Variants in TSHZ2 observed in about 807,000 individuals in gnomAD.
The protein encoded by TSHZ2 is teashirt zinc finger homeobox 2, also known as teashirt homolog 2.
TSHZ2 carries 21 observed loss-of-function variants against 74.4 expected under a neutral mutation model. The ratio of observed to expected loss-of-function variants is 0.28; its 90% CI spans 0.20 to 0.41. The LOEUF (loss-of-function observed/expected upper bound fraction) is 0.41, where lower values mean the gene tolerates loss of function less well. Among genes scored for constraint, TSHZ2 ranks in the 10% least tolerant of loss-of-function variants. The pLI is 1.00. For missense variants in TSHZ2, 1,244 were observed against 1,293.5 expected (o/e 0.96, Z 0.59); for synonymous variants, 540 against 515.3 (o/e 1.05, Z -0.65).
intron 2 of TSHZ2, among the ~76,000 whole-genome samples, chr20:53,371,475 T>A (rs1216067233): frequency 1.3e-5 from 2 of 152,208 alleles, no homozygotes; most frequent in Non-Finnish European, 2.9e-5. Context: ...TTAGGCGGTG[T>A]ATTTGTTTCC....
intron 2 of TSHZ2, among the ~76,000 whole-genome samples, chr20:53,298,627 G>T (rs1991425597): frequency 6.6e-6 from 1 of 152,194 alleles, no homozygotes; most frequent in Non-Finnish European, 1.5e-5. Context: ...CAGAAGCCAG[G>T]GTGCAGGGGA....
At chr20:53,228,726 T>C (rs967147784) in intron 1 of TSHZ2, among the ~76,000 whole-genome samples, 7 of 140,028 alleles carry the variant, frequency 5.0e-5, no homozygotes, top group Admixed American at 2.1e-4. Context: ...ACCTCCCGAG[T>C]TGAGACAACC....
chr20:53,253,656 C>T lies in TSHZ2; in HGVS notation c.198C>T (p.Tyr66=). 1 of 1,614,116 alleles carries T rather than the reference C, an allele frequency of 6.2e-7. No homozygotes were observed. The highest frequency in any genetic ancestry group is 8.5e-7 in the Non-Finnish European group (1 of 1,180,028). Residue 66 remains tyrosine, a synonymous_variant, in exon 2 of 3, where the codon TAC becomes TAT. Transcript: ENST00000371497. Reference sequence around the variant, plus strand: ...CAGAGCAAAAAGGCTGCTTCAGCTACCAGAACTCTCCAGGAAGTCATTTGT... The same window carrying T: ...CAGAGCAAAAAGGCTGCTTCAGCTATCAGAACTCTCCAGGAAGTCATTTGT... ...TGPEQKGCFS[Y]QNSPGSHLSN...
intron 1 of TSHZ2, among the ~76,000 whole-genome samples, chr20:53,180,711 A>G (rs768007443): frequency 1.3e-5 from 2 of 152,220 alleles, no homozygotes; most frequent in African/African-American, 2.4e-5. Context: ...AGATGTCACC[A>G]AAGCAGAATG....
chr20:53,117,613 TAGG>T (rs1986705482), intron 1 of TSHZ2, among the ~76,000 whole-genome samples: 1 of 152,024 alleles, frequency 6.6e-6, no homozygotes, highest in African/African-American at 2.4e-5. Flanking sequence ...AGGTGAAAAA[TAGG>T]AGCCAGTTGT....
chr20:53,170,486 A>G (rs1988173519), intron 1 of TSHZ2, among the ~76,000 whole-genome samples: 1 of 152,170 alleles, frequency 6.6e-6, no homozygotes, highest in African/African-American at 2.4e-5. Flanking sequence ...GACAACCTTG[A>G]CGCTATTGAA....
intron 2 of TSHZ2, among the ~76,000 whole-genome samples, chr20:53,284,570 C>T (rs1298411576): frequency 6.6e-6 from 1 of 152,152 alleles, no homozygotes; most frequent in Admixed American, 6.5e-5. Flanking sequence ...CTTGGATGAA[C>T]ACAAAACATT....
intron 2 of TSHZ2, among the ~76,000 whole-genome samples, chr20:53,319,439 A>G: frequency 6.6e-6 from 1 of 152,262 alleles, no homozygotes; most frequent in East Asian, 1.9e-4. Context: ...CAAGAGTTAG[A>G]ACACAGATAC....
intron 1 of TSHZ2, among the ~76,000 whole-genome samples, chr20:53,204,654 A>C (rs990722808): frequency 6.6e-6 from 1 of 152,002 alleles, no homozygotes; most frequent in Non-Finnish European, 1.5e-5. Context: ...GACACCATTT[A>C]CCGGGTTCCT....
At chr20:53,409,971 T>C (rs546315613) in intron 2 of TSHZ2, among the ~76,000 whole-genome samples, 10 of 150,762 alleles carry the variant, frequency 6.6e-5, no homozygotes, top group Non-Finnish European at 1.2e-4. Flanking sequence ...CTCAGCCTCT[T>C]GAGTACCTGG....
At chr20:53,335,463 G>A (rs1979908026) in intron 2 of TSHZ2, among the ~76,000 whole-genome samples, 1 of 152,214 alleles carries the variant, frequency 6.6e-6, no homozygotes, top group Admixed American at 6.5e-5. Flanking sequence ...TTCCTCTCTG[G>A]ACCCTGTAGG....
At chr20:53,372,314 G>GA (rs1400697284) in intron 2 of TSHZ2, among the ~76,000 whole-genome samples, 6 of 151,786 alleles carry the variant, frequency 4.0e-5, no homozygotes, top group East Asian at 1.9e-4. Flanking sequence ...CATCTCTACT[G>GA]AAAAAAGAAA....
chr20:53,163,456 ATTTT>A (rs571826225), intron 1 of TSHZ2, among the ~76,000 whole-genome samples: 1 of 94,588 alleles, frequency 1.1e-5, no homozygotes, highest in African/African-American at 4.7e-5. Context: ...ATTTTATTTT[ATTTT>A]TTTTTATTAT....
At chr20:53,431,412 C>T (rs912102791) in intron 2 of TSHZ2, among the ~76,000 whole-genome samples, 13 of 149,786 alleles carry the variant, frequency 8.7e-5, no homozygotes, top group African/African-American at 2.0e-4. Flanking sequence ...GCTGAGATCA[C>T]GCCAGTGCAC....
chr20:53,193,939 T>A (rs1456347730), intron 1 of TSHZ2, among the ~76,000 whole-genome samples: 1 of 152,086 alleles, frequency 6.6e-6, no homozygotes, highest in Non-Finnish European at 1.5e-5. Flanking sequence ...AACGGGGAGG[T>A]TCTCATTTCC....
intron 2 of TSHZ2, among the ~76,000 whole-genome samples, chr20:53,429,438 G>A (rs547957756): frequency 9.8e-5 from 15 of 152,308 alleles, no homozygotes; most frequent in Admixed American, 5.2e-4. Context: ...GGTCTTTCCC[G>A]TGCTGTTCTC....
At chr20:53,408,413 A>G (rs1982925209) in intron 2 of TSHZ2, among the ~76,000 whole-genome samples, 2 of 152,218 alleles carry the variant, frequency 1.3e-5, no homozygotes, top group Admixed American at 1.3e-4. Context: ...GCATTTGATA[A>G]GATAAAATCA....
intron 1 of TSHZ2, among the ~76,000 whole-genome samples, chr20:53,237,220 A>G (rs1187323955): frequency 6.6e-6 from 1 of 152,238 alleles, no homozygotes; most frequent in East Asian, 1.9e-4. Context: ...GCTGTAGAAT[A>G]GGTTGTCTTC....
At chr20:53,462,756 A>G (rs1288371347) in intron 2 of TSHZ2, among the ~76,000 whole-genome samples, 1 of 152,234 alleles carries the variant, frequency 6.6e-6, no homozygotes, top group Non-Finnish European at 1.5e-5. Context: ...TCTGCAGTGC[A>G]CAAATAGGAT....
Sources: gnomAD v4.1 joint callset for allele counts (sites outside exome capture counted in the v4.1 genomes callset) on GRCh38, gnomAD v4.1.1 for gene constraint, MANE v1.5 for transcripts, NCBI Gene and HGNC (gene_info 2026-07-23, HGNC 2026-07-21) for gene names.